Variants in ZSWIM6 observed in about 807,000 individuals in gnomAD.
ZSWIM6 encodes the protein zinc finger SWIM domain-containing protein 6.
Under a neutral mutation model 113.2 loss-of-function variants are expected in ZSWIM6, and 9 were observed. The observed-to-expected ratio is 0.08, with a 90% CI of 0.05 to 0.14. The LOEUF (loss-of-function observed/expected upper bound fraction) is 0.14, where lower values mean the gene tolerates loss of function less well. ZSWIM6 is among the 10% of genes least tolerant of loss of function. ZSWIM6 has a pLI of 1.00. For missense variants in ZSWIM6, 1,162 were observed against 1,552.2 expected (o/e 0.75, Z 4.22); for synonymous variants, 611 against 606.5 (o/e 1.01, Z -0.11).
intron 1 of ZSWIM6, among the ~76,000 whole-genome samples, chr5:61,334,934 C>A (rs529724238): frequency 6.6e-6 from 1 of 151,682 alleles, no homozygotes; most frequent in Non-Finnish European, 1.5e-5. Flanking sequence ...TGCTTGACTC[C>A]GCTTGCAAGC....
At chr5:61,431,100 G>T (rs1746570711) in intron 1 of ZSWIM6, among the ~76,000 whole-genome samples, 1 of 152,102 alleles carries the variant, frequency 6.6e-6, no homozygotes, top group Non-Finnish European at 1.5e-5. Flanking sequence ...GGTCGGGCAT[G>T]GTGGCTCACG....
intron 1 of ZSWIM6, among the ~76,000 whole-genome samples, chr5:61,338,247 A>ATTGGT (rs1468919465): frequency 1.3e-5 from 2 of 151,880 alleles, no homozygotes; most frequent in Non-Finnish European, 2.9e-5. Flanking sequence ...CAGATAATTT[A>ATTGGT]TTGGTTTTTG....
At chr5:61,431,772 A>G (rs1746588739) in intron 1 of ZSWIM6, among the ~76,000 whole-genome samples, 1 of 152,110 alleles carries the variant, frequency 6.6e-6, no homozygotes, top group Non-Finnish European at 1.5e-5. Context: ...AAAACAAAAA[A>G]AACTTTGACT....
chr5:61,463,838 C>G (rs1291093640), intron 1 of ZSWIM6, among the ~76,000 whole-genome samples: 1 of 152,128 alleles, frequency 6.6e-6, no homozygotes, highest in Non-Finnish European at 1.5e-5. Flanking sequence ...TGAGTTCTTT[C>G]ATTTGATGTA....
chr5:61,385,196 C>T (rs904645681), intron 1 of ZSWIM6, among the ~76,000 whole-genome samples: 6 of 152,196 alleles, frequency 3.9e-5, no homozygotes, highest in Non-Finnish European at 7.3e-5. Context: ...AACACAAATA[C>T]TGGTTAATGG....
chr5:61,456,902 T>C (rs1202735693), intron 1 of ZSWIM6, among the ~76,000 whole-genome samples: 42 of 84,810 alleles, frequency 5.0e-4, no homozygotes, highest in South Asian at 3.0e-3. Flanking sequence ...TTTTTTTTTT[T>C]CTTTTTTTTA....
At chr5:61,479,922 T>C (rs1747810506) in intron 2 of ZSWIM6, among the ~76,000 whole-genome samples, 1 of 152,078 alleles carries the variant, frequency 6.6e-6, no homozygotes, top group African/African-American at 2.4e-5. Flanking sequence ...CCAGCTTTTT[T>C]TTTTTAAGTC....
At chr5:61,412,528 G>GT (rs1221185598) in intron 1 of ZSWIM6, among the ~76,000 whole-genome samples, 18 of 152,276 alleles carry the variant, frequency 1.2e-4, no homozygotes, top group African/African-American at 4.3e-4. Flanking sequence ...TCTGTTTAGT[G>GT]TTTTAACTAT....
At chr5:61,373,061 C>T (rs907537851) in intron 1 of ZSWIM6, among the ~76,000 whole-genome samples, 2 of 152,212 alleles carry the variant, frequency 1.3e-5, no homozygotes, top group East Asian at 1.9e-4. Context: ...CCACTATTAT[C>T]AGTTTGGTTG....
At position 61,545,569 on chromosome 5, in the gene ZSWIM6, A is replaced by G. The variant is rs1474393236; in HGVS notation, c.*1252A>G. 6.6e-6 allele frequency: 1 copy of G among 152,178 alleles called. No individual in the cohort carries two copies. The highest frequency in any genetic ancestry group is 2.4e-5 in the African/African-American group (1 of 41,444). 9.4% of individuals were successfully genotyped at this position (152,178 alleles called of 1,614,324 possible). On this transcript the variant is annotated 3_prime_UTR_variant, in exon 14 of 14. Transcript: ENST00000252744. ...AACCTTTGTGCACAAATAACATTAT[A>G]TATATTATATATCTATTCTGCATAG...
intron 1 of ZSWIM6, among the ~76,000 whole-genome samples, chr5:61,394,528 A>T (rs1745799853): frequency 6.6e-6 from 1 of 152,178 alleles, no homozygotes; most frequent in South Asian, 2.1e-4. Flanking sequence ...CCTTTTCCCC[A>T]TCTTCTTGGG....
intron 4 of ZSWIM6, among the ~76,000 whole-genome samples, chr5:61,520,985 G>T (rs1749100583): frequency 1.3e-5 from 2 of 151,938 alleles, no homozygotes; most frequent in Non-Finnish European, 2.9e-5. Context: ...TGGATATTTG[G>T]TTCAAACTTT....
chr5:61,398,914 T>G (rs1224527014), intron 1 of ZSWIM6, among the ~76,000 whole-genome samples: 1 of 9,862 alleles, frequency 1.0e-4, no homozygotes, highest in African/African-American at 1.5e-4. Context: ...GTATAGTTGT[T>G]TTTTTTTTTT....
chr5:61,513,783 T>C (rs976202057), intron 4 of ZSWIM6, among the ~76,000 whole-genome samples: 2 of 152,092 alleles, frequency 1.3e-5, no homozygotes, highest in Admixed American at 6.6e-5. Context: ...TTTGTATAGG[T>C]GTATTTCTGA....
intron 1 of ZSWIM6, among the ~76,000 whole-genome samples, chr5:61,407,171 A>G (rs367741998): frequency 6.6e-6 from 1 of 152,256 alleles, no homozygotes; most frequent in East Asian, 1.9e-4. Flanking sequence ...AGTGCAGCCT[A>G]AAATTCCTCT....
chr5:61,352,296 C>G (rs1455444451), intron 1 of ZSWIM6, among the ~76,000 whole-genome samples: 1 of 152,192 alleles, frequency 6.6e-6, no homozygotes, highest in Non-Finnish European at 1.5e-5. Flanking sequence ...GGATTGTCCT[C>G]TCCCATGAGA....
rs534624111 is a variant in ZSWIM6, at chr5:61,514,329, A to G, written c.1334-6934A>G. Among the ~76,000 whole-genome samples, 13 of 148,482 alleles carry G rather than the reference A, an allele frequency of 8.8e-5. No homozygotes were observed. In the South Asian group the frequency reaches 2.5e-3, roughly 29 times the overall value. On this transcript the variant is annotated intron_variant, in intron 4 of 13. Coordinates refer to ENST00000252744, the MANE Select transcript of ZSWIM6 (RefSeq NM_020928.2). ...TGACCTTCTTATACTTACTGGTTCT[A>G]GGAGCAATTTTGTCCTTTCCACTTG... is the stretch of plus-strand genomic sequence containing the variant.
chr5:61,377,828 G>A (rs1303139314), intron 1 of ZSWIM6, among the ~76,000 whole-genome samples: 1 of 151,560 alleles, frequency 6.6e-6, no homozygotes, highest in Non-Finnish European at 1.5e-5. Flanking sequence ...CCAATAAAAA[G>A]ACTAACAATT....
rs1747597344 is a variant in ZSWIM6 at position 61,472,540 on chromosome 5, CTGAA to C, written c.677-138_677-135del. The C allele has an allele frequency of 1.7e-6, 1 of 596,074 alleles. No homozygotes were observed. 36.9% of individuals were successfully genotyped at this position (596,074 alleles called of 1,614,324 possible). Reference sequence around the variant, plus strand: ...GGGGGTGGTGGTAGTGGTTAGTGGCCTGAATGTTTTTACTTGAATATAGAGGCTG... The same window carrying C: ...GGGGGTGGTGGTAGTGGTTAGTGGCCTGTTTTTACTTGAATATAGAGGCTG... On this transcript the variant is annotated intron_variant, in intron 1 of 13. Transcript: ENST00000252744. This position sits in a 1 kb window ranked among gnomAD's most constrained non-coding sequence, Gnocchi z 4.1.
Sources: allele counts gnomAD v4.1 joint callset (sites outside exome capture counted in the v4.1 genomes callset), GRCh38; gene constraint gnomAD v4.1.1; non-coding constraint Gnocchi (gnomAD v3.1); transcripts MANE v1.5; gene names NCBI Gene and HGNC (gene_info 2026-07-23, HGNC 2026-07-21).